CTNNA2: variants seen among roughly 807,000 people sequenced by gnomAD.
CTNNA2 encodes catenin alpha 2.
In CTNNA2, 42 loss-of-function variants were observed where a neutral mutation model predicts 101.0. The ratio of observed to expected loss-of-function variants is 0.42; its 90% CI spans 0.32 to 0.54. The LOEUF is 0.54. Among genes scored for constraint, CTNNA2 ranks in the 20% least tolerant of loss-of-function variants. The probability of loss-of-function intolerance (pLI) is 0.14; values close to 1 mark genes in which losing one functional copy is unlikely to be tolerated. For missense variants in CTNNA2, 871 were observed against 1,223.1 expected (o/e 0.71, Z 4.29); for synonymous variants, 450 against 456.4 (o/e 0.99, Z 0.18).
chr2:79,363,823 G>A (rs1485843429), intron 3 of CTNNA2, among the ~76,000 whole-genome samples: 6 of 152,258 alleles, frequency 3.9e-5, no homozygotes, highest in Admixed American at 1.3e-4. Flanking sequence ...AATCAACACC[G>A]TCCAAGAAGC....
At chr2:80,093,362 C>T (rs1573051408) in intron 7 of CTNNA2, among the ~76,000 whole-genome samples, 1 of 152,134 alleles carries the variant, frequency 6.6e-6, no homozygotes, top group South Asian at 2.1e-4. Flanking sequence ...GCATAGTATT[C>T]CATGGTGTAC....
intron 3 of CTNNA2, among the ~76,000 whole-genome samples, chr2:79,847,993 G>A (rs1464691886): frequency 3.3e-5 from 5 of 152,116 alleles, no homozygotes; most frequent in African/African-American, 9.7e-5. Flanking sequence ...ATTTCAGTGC[G>A]TTTTGATTTG....
rs374163252 is a variant in CTNNA2, at chr2:80,336,246, T to G, written c.1057-56965T>G. Among the ~76,000 whole-genome samples the G allele has an allele frequency of 3.9e-5, 6 of 152,180 alleles. No homozygotes were observed. The East Asian group carries it at 9.7e-4, about 25-fold the overall frequency. ...ACCTTCTCACCATATTCTTATAGGG[T>G]GAAGGGGGCAAAGCAGCTCTTTGGG... is the stretch of plus-strand genomic sequence containing the variant. On this transcript the variant is annotated intron_variant, in intron 7 of 18. Transcript: ENST00000402739.
At chr2:79,352,683 G>A (rs1249484150) in intron 3 of CTNNA2, among the ~76,000 whole-genome samples, 1 of 152,080 alleles carries the variant, frequency 6.6e-6, no homozygotes, top group African/African-American at 2.4e-5. Context: ...ATCATAGATA[G>A]TTAATTTGAG....
intron 9 of CTNNA2, among the ~76,000 whole-genome samples, chr2:80,487,895 A>AT (rs890902255): frequency 2.2e-4 from 33 of 152,030 alleles, no homozygotes; most frequent in African/African-American, 6.8e-4. Context: ...CTTTTGATAT[A>AT]TTTTTTCTGT....
At chr2:79,704,775 A>C (rs1357968043) in intron 2 of CTNNA2, among the ~76,000 whole-genome samples, 1 of 151,806 alleles carries the variant, frequency 6.6e-6, no homozygotes, top group Non-Finnish European at 1.5e-5. Flanking sequence ...GGCCTCCCAA[A>C]GTGTTCACTT....
intron 4 of CTNNA2, among the ~76,000 whole-genome samples, chr2:79,464,952 C>A (rs368183159): frequency 6.6e-6 from 1 of 151,990 alleles, no homozygotes; most frequent in African/African-American, 2.4e-5. Flanking sequence ...ACTCTGATGG[C>A]AGTTTCTTTT....
intron 7 of CTNNA2, among the ~76,000 whole-genome samples, chr2:80,253,515 G>A (rs1327207269): frequency 2.6e-5 from 4 of 152,050 alleles, no homozygotes; most frequent in Non-Finnish European, 4.4e-5. Context: ...TTACCTTGCA[G>A]GCCCTAGGAA....
At chr2:79,458,213 T>A (rs1490328914) in intron 4 of CTNNA2, among the ~76,000 whole-genome samples, 1 of 152,260 alleles carries the variant, frequency 6.6e-6, no homozygotes, top group Non-Finnish European at 1.5e-5. Flanking sequence ...TTGGATGTGA[T>A]CATTTCTTGT....
chr2:79,929,816 T>G (rs1341223401), intron 7 of CTNNA2, among the ~76,000 whole-genome samples: 1 of 152,210 alleles, frequency 6.6e-6, no homozygotes, highest in Non-Finnish European at 1.5e-5. Flanking sequence ...ATATTGCTTA[T>G]TCATCAGTTC....
intron 2 of CTNNA2, among the ~76,000 whole-genome samples, chr2:79,285,748 G>A: frequency 7.0e-6 from 1 of 142,350 alleles, no homozygotes; most frequent in South Asian, 2.3e-4. Context: ...GGGGTGGAGA[G>A]TTCTGTAGAT....
intron 2 of CTNNA2, among the ~76,000 whole-genome samples, chr2:79,692,623 C>G (rs1407413607): frequency 6.6e-6 from 1 of 151,946 alleles, no homozygotes; most frequent in Non-Finnish European, 1.5e-5. Context: ...TGGAACCAAC[C>G]CAAATGCCCA....
chr2:80,379,097 C>T lies in CTNNA2; in HGVS notation c.1057-14114C>T, dbSNP rs1676266212. Among the ~76,000 whole-genome samples the T allele has an allele frequency of 2.0e-5, 3 of 152,160 alleles. No individual in the cohort carries two copies. The South Asian group carries it at 6.2e-4, about 32-fold the overall frequency. On this transcript the variant is annotated intron_variant, in intron 7 of 18. Coordinates refer to ENST00000402739, the MANE Select transcript of CTNNA2 (RefSeq NM_001282597.3). Reference sequence around the variant, plus strand: ...AAGGTTGGGATCATAGAAAGAGGAACTTGGGAGTGAATTTTCTTAAAATAT... The same window carrying T: ...AAGGTTGGGATCATAGAAAGAGGAATTTGGGAGTGAATTTTCTTAAAATAT...
intron 7 of CTNNA2, among the ~76,000 whole-genome samples, chr2:79,984,477 A>T (rs1691619240): frequency 6.6e-6 from 1 of 152,144 alleles, no homozygotes; most frequent in Non-Finnish European, 1.5e-5. Flanking sequence ...TTTCTTTACA[A>T]GGCATCCTTT....
At chr2:80,610,077 G>T (rs1362657460) in intron 17 of CTNNA2, among the ~76,000 whole-genome samples, 1 of 151,682 alleles carries the variant, frequency 6.6e-6, no homozygotes, top group East Asian at 1.9e-4. Flanking sequence ...TCTTTTAGAA[G>T]AATGTTGTTC....
intron 7 of CTNNA2, among the ~76,000 whole-genome samples, chr2:80,365,893 C>T (rs926130880): frequency 3.9e-5 from 6 of 152,184 alleles, no homozygotes; most frequent in Non-Finnish European, 8.8e-5. Context: ...GCATTTTTCC[C>T]CCTGTGGTCG....
chr2:79,681,124 C>T (rs1490985498), intron 2 of CTNNA2, among the ~76,000 whole-genome samples: 1 of 152,180 alleles, frequency 6.6e-6, no homozygotes, highest in African/African-American at 2.4e-5. Context: ...CACTGCACTC[C>T]AGCCTGGGTG....
rs377006510 is a variant in CTNNA2 at position 79,636,218 on chromosome 2, C to T, written c.-5-15334C>T. 1.5e-4 allele frequency among the ~76,000 whole-genome samples: 20 copies of T among 134,104 alleles called. No individual in the cohort carries two copies. In the East Asian group the frequency reaches 3.5e-3, roughly 24 times the overall value. 88.0% of individuals were successfully genotyped at this position (134,104 alleles called of 152,430 possible). The stretch of plus-strand genomic sequence containing the variant: ...CCGGGAGATGGAGCTTGCAGTGAGC[C>T]GAGATCGCGCCACTGCACTCCAGCC... On this transcript the variant is annotated intron_variant, in intron 1 of 18. Transcript: ENST00000402739.
chr2:79,348,055 A>G (rs1209102447), intron 3 of CTNNA2, among the ~76,000 whole-genome samples: 3 of 152,148 alleles, frequency 2.0e-5, no homozygotes, highest in Admixed American at 6.6e-5. Context: ...TAGGTGGCTC[A>G]GAATATGGCC....
Sources: allele counts gnomAD v4.1 joint callset (sites outside exome capture counted in the v4.1 genomes callset), GRCh38; gene constraint gnomAD v4.1.1; transcripts MANE v1.5; gene names NCBI Gene and HGNC (gene_info 2026-07-23, HGNC 2026-07-21).